SAMD3: variants seen among roughly 807,000 people sequenced by gnomAD.
SAMD3 encodes sterile alpha motif domain containing 3, also known as sterile alpha motif domain-containing protein 3.
SAMD3 carries 63 observed loss-of-function variants against 58.5 expected under a neutral mutation model. The ratio of observed to expected loss-of-function variants is 1.08; its 90% CI spans 0.88 to 1.33. The LOEUF (loss-of-function observed/expected upper bound fraction) is 1.33, where lower values mean the gene tolerates loss of function less well. SAMD3 is among the 40% of genes most tolerant of loss of function. The pLI is 0.00. For missense variants in SAMD3, 604 were observed against 608.4 expected, an observed-to-expected ratio of 0.99 and a Z score of 0.08; for synonymous variants, 220 against 210.3, an observed-to-expected ratio of 1.05 and a Z score of -0.40.
At chr6:130,333,364 C>T (rs1042184173) in intron 1 of SAMD3, among the ~76,000 whole-genome samples, 3 of 152,194 alleles carry the variant, frequency 2.0e-5, no homozygotes, top group African/African-American at 7.2e-5. Flanking sequence ...CCCACAACCA[C>T]CCATGTCCCT....
chr6:130,273,919 A>G (rs184661791), intron 2 of SAMD3, among the ~76,000 whole-genome samples: 3 of 150,382 alleles, frequency 2.0e-5, no homozygotes, highest in Middle Eastern at 3.4e-3. Flanking sequence ...TACTAAAATT[A>G]AAATCAATTT....
chr6:130,348,669 C>G (rs551088497), intron 1 of SAMD3, among the ~76,000 whole-genome samples: 2 of 152,040 alleles, frequency 1.3e-5, no homozygotes, highest in Non-Finnish European at 2.9e-5. Context: ...GACAAATCAA[C>G]GAGACAGAAA....
chr6:130,355,355 C>T (rs1583149679), intron 1 of SAMD3, among the ~76,000 whole-genome samples: 2 of 152,062 alleles, frequency 1.3e-5, no homozygotes, highest in South Asian at 2.1e-4. Flanking sequence ...ACCTCTGAGG[C>T]GGAGGTTGCA....
At chr6:130,157,094 AATAAAT>A (rs1043821800) in intron 8 of SAMD3, among the ~76,000 whole-genome samples, 1 of 149,694 alleles carries the variant, frequency 6.7e-6, no homozygotes, top group African/African-American at 2.5e-5. Context: ...TAAATAAATA[AATAAAT>A]AAATAAATAA....
At chr6:130,156,352 A>G (rs1440179246) in intron 8 of SAMD3, among the ~76,000 whole-genome samples, 1 of 151,744 alleles carries the variant, frequency 6.6e-6, no homozygotes, top group African/African-American at 2.4e-5. Flanking sequence ...AAAAAGGAAT[A>G]CTCTCTAACC....
At chr6:130,218,619 G>A (rs1375505337) in intron 1 of SAMD3, among the ~76,000 whole-genome samples, 1 of 152,206 alleles carries the variant, frequency 6.6e-6, no homozygotes, top group Non-Finnish European at 1.5e-5. Context: ...AAGAAGATAA[G>A]ATACATAGAT....
At chr6:130,215,483 A>T (rs1251022760) in intron 2 of SAMD3, 189 bp from the exon 3 acceptor site, 25 of 1,340,982 alleles carry the variant, frequency 1.9e-5, no homozygotes, top group Non-Finnish European at 2.2e-5. Context: ...TTTAAAAATA[A>T]GACCTGATTT....
chr6:130,215,052 T>C (rs977975079), intron 3 of SAMD3, 143 bp downstream of exon 3: 2 of 484,422 alleles, frequency 4.1e-6, no homozygotes, highest in Non-Finnish European at 7.3e-6. Flanking sequence ...CATAAAGAAA[T>C]GAAAAGTTCT....
intron 1 of SAMD3, 45 bp from the exon 2 acceptor site, chr6:130,216,661 A>T (rs1479756827): frequency 2.6e-5 from 4 of 152,248 alleles, no homozygotes; most frequent in African/African-American, 9.6e-5. Context: ...CATAATCATA[A>T]GTGTTCACAA....
At chr6:130,330,733 G>A (rs1036013104) in intron 1 of SAMD3, among the ~76,000 whole-genome samples, 2 of 152,096 alleles carry the variant, frequency 1.3e-5, no homozygotes, top group Admixed American at 1.3e-4. Context: ...AGGTGGCTTG[G>A]GTTTTTCTTC....
At chr6:130,185,520 A>G (rs62431168) in intron 5 of SAMD3, among the ~76,000 whole-genome samples, 33,207 of 150,002 alleles carry the variant, frequency 0.22, 4,835 homozygotes, top group Non-Finnish European at 0.33. Context: ...GTAGAGATGG[A>G]GTTTCACCAT....
intron 5 of SAMD3, among the ~76,000 whole-genome samples, chr6:130,191,520 T>C (rs1325724046): frequency 6.6e-6 from 1 of 152,210 alleles, no homozygotes; most frequent in African/African-American, 2.4e-5. Flanking sequence ...GTAGATAATA[T>C]TGCCTTAGGG....
At position 130,217,434 on chromosome 6, in the gene SAMD3, C is replaced by T. The variant is rs180768040; in HGVS notation, c.-67-818G>A. On this transcript the variant is annotated intron_variant, in intron 1 of 11. Coordinates refer to ENST00000439090, the MANE Select transcript of SAMD3 (RefSeq NM_001017373.4). ...TCATTTTTAAGAAGAATTAATAATA[C>T]ATTATGTATGAATGCTCCTGACAAA... Among the ~76,000 whole-genome samples the T allele has an allele frequency of 4.2e-3, 633 of 152,254 alleles. 8 individuals are homozygous for T. Among genetic ancestry groups the T allele is most frequent in the African/African-American group, 0.014 (595 of 41,550 alleles).
chr6:130,311,588 C>G (rs1192903324), intron 2 of SAMD3, among the ~76,000 whole-genome samples: 1 of 152,208 alleles, frequency 6.6e-6, no homozygotes, highest in Non-Finnish European at 1.5e-5. Context: ...TGCCAGACTA[C>G]TGCTTTCTTT....
chr6:130,272,101 T>C (rs1774586094), intron 2 of SAMD3, among the ~76,000 whole-genome samples: 1 of 152,242 alleles, frequency 6.6e-6, no homozygotes. Context: ...TCCAAGATTA[T>C]AAATAATACT....
chr6:130,339,641 T>C (rs1777211181), intron 1 of SAMD3, among the ~76,000 whole-genome samples: 1 of 152,214 alleles, frequency 6.6e-6, no homozygotes, highest in Non-Finnish European at 1.5e-5. Flanking sequence ...CTTTATAAGT[T>C]ATCCAGTCTA....
intron 8 of SAMD3, chr6:130,161,559 A>G (rs1241711707): frequency 6.6e-6 from 1 of 152,224 alleles, no homozygotes; most frequent in Non-Finnish European, 1.5e-5. Context: ...CCTAATTATT[A>G]AAAAGCTACA....
chr6:130,163,379 C>T (rs1790434738), intron 8 of SAMD3, among the ~76,000 whole-genome samples: 1 of 152,186 alleles, frequency 6.6e-6, no homozygotes. Flanking sequence ...AAATCCCAGT[C>T]ATCCTCATTT....
chr6:130,241,218 T>G (rs1430088126), intron 2 of SAMD3, among the ~76,000 whole-genome samples: 1 of 149,186 alleles, frequency 6.7e-6, no homozygotes, highest in African/African-American at 2.5e-5. Flanking sequence ...TTTTTTTTTT[T>G]TTTTTTTTTG....
Sources: allele counts gnomAD v4.1 joint callset (sites outside exome capture counted in the v4.1 genomes callset), GRCh38; gene constraint gnomAD v4.1.1; transcripts MANE v1.5; gene names NCBI Gene and HGNC (gene_info 2026-07-23, HGNC 2026-07-21).